The following FAM228B variants were observed in gnomAD, a reference collection of about 807,000 sequenced individuals.
The protein encoded by FAM228B is protein FAM228B.
A neutral mutation model predicts 42.6 loss-of-function variants in FAM228B; 38 were observed. That is an observed-to-expected ratio of 0.89 (90% confidence interval 0.69 to 1.17). FAM228B has a LOEUF of 1.17. Ranked by LOEUF, FAM228B falls within the 50% of genes most tolerant of loss-of-function variation. The probability of loss-of-function intolerance (pLI) is 0.00; values close to 1 mark genes in which losing one functional copy is unlikely to be tolerated. For missense variants in FAM228B, 344 were observed against 367.3 expected (o/e 0.94, Z 0.52); for synonymous variants, 109 against 122.3 (o/e 0.89, Z 0.72).
chr2:24,109,171 C>CAAA (rs70944716), intron 3 of FAM228B, among the ~76,000 whole-genome samples: 3 of 96,042 alleles, frequency 3.1e-5, no homozygotes, highest in Admixed American at 1.2e-4. Flanking sequence ...AGAGTAATGG[C>CAAA]AAAAAAAAAA....
chr2:24,161,981 C>G (rs890943460), intron 8 of FAM228B, among the ~76,000 whole-genome samples: 1 of 151,634 alleles, frequency 6.6e-6, no homozygotes, highest in African/African-American at 2.4e-5. Context: ...CAACTATAAT[C>G]CCAGCTATCT....
rs1407077931 is a variant in FAM228B at position 24,097,452 on chromosome 2, A to C, written c.-121+2223A>C. On this transcript the variant is annotated intron_variant, in intron 3 of 10. Transcript: ENST00000613899. ...AAGATATACCAAGCAAATGGAAAGC[A>C]AAAAAAAAAAAAAAAAAAAGCAGGG... The C allele has an allele frequency of 1.9e-4, 8 of 43,090 alleles. No individual in the cohort carries two copies. The East Asian group carries it at 2.2e-3, about 12-fold the overall frequency. 2.7% of individuals were successfully genotyped at this position (43,090 alleles called of 1,614,324 possible).
upstream of FAM228B, chr2:24,122,481 C>G (rs1237516152): frequency 3.1e-6 from 5 of 1,614,194 alleles, 1 homozygote; most frequent in South Asian, 5.5e-5. Context: ...GCTGCACTGT[C>G]CACATGCTTG....
chr2:24,156,493 G>C (rs1558393865), intron 7 of FAM228B, among the ~76,000 whole-genome samples: 1 of 152,094 alleles, frequency 6.6e-6, no homozygotes, highest in Non-Finnish European at 1.5e-5. Flanking sequence ...AATCAGCCAG[G>C]CATGGTGGCA....
chr2:24,138,100 G>A lies in FAM228B; in HGVS notation c.360G>A (p.Lys120=). The A allele has an allele frequency of 6.6e-7, 1 of 1,517,674 alleles. No individual in the cohort carries two copies. Among genetic ancestry groups the A allele is most frequent in the Non-Finnish European group, 8.8e-7 (1 of 1,136,606 alleles). 94.0% of individuals were successfully genotyped at this position (1,517,674 alleles called of 1,614,324 possible). ...GCTTTTTAAAACATGTAAATAAAAA[G>A]GTACTAAGAGATCATTTGATGCTTT... is the stretch of plus-strand genomic sequence containing the variant. ...LDGFLKHVNK[K]GNAFIEHYDP... The change falls in exon 4 of 11, where the codon AAG becomes AAA. Residue 120 remains lysine, a splice_region_variant and synonymous_variant. Transcript: ENST00000615575.
chr2:24,163,875 TGGA>T (rs1001606494), intron 8 of FAM228B, among the ~76,000 whole-genome samples: 12 of 151,980 alleles, frequency 7.9e-5, no homozygotes, highest in African/African-American at 2.9e-4. Flanking sequence ...GCAGCAGGGG[TGGA>T]GAAGGCATAT....
intron 5 of FAM228B, among the ~76,000 whole-genome samples, chr2:24,145,781 C>T (rs571455759): frequency 1.1e-4 from 17 of 151,072 alleles, no homozygotes; most frequent in Admixed American, 7.9e-4. Flanking sequence ...CTCCACCTCC[C>T]GGGTTCATGG....
At chr2:24,121,974 T>C (rs1176761918), upstream of FAM228B, among the ~76,000 whole-genome samples, 1 of 152,194 alleles carries the variant, frequency 6.6e-6, no homozygotes, top group Non-Finnish European at 1.5e-5. Flanking sequence ...ATATCAACAG[T>C]AAAAAGACTA....
chr2:24,116,646 G>A (rs1665927706), intron 3 of FAM228B, among the ~76,000 whole-genome samples: 1 of 152,134 alleles, frequency 6.6e-6, no homozygotes, highest in Non-Finnish European at 1.5e-5. Context: ...CTTGAAGTCA[G>A]GAGTTCGAGA....
intron 8 of FAM228B, among the ~76,000 whole-genome samples, chr2:24,162,315 G>T (rs1191252774): frequency 6.6e-6 from 1 of 152,208 alleles, no homozygotes; most frequent in Non-Finnish European, 1.5e-5. Context: ...GAAAGATGTT[G>T]TTGTAAACAG....
Position 24,077,581 on chromosome 2 carries a change from A to G in FAM228B, c.-290+612A>G. ...GTCCTGTCCTGCCCCATCCTCCTTC[A>G]CTGGGGCAGTTCCAGGACGATCTTG... is the stretch of plus-strand genomic sequence containing the variant. On this transcript the variant is annotated intron_variant, in intron 1 of 10. Transcript: ENST00000613899. This position sits in a 1 kb window ranked among gnomAD's most constrained non-coding sequence, Gnocchi z 5.5. The G allele has an allele frequency of 6.2e-7, 1 of 1,613,038 alleles. No homozygotes were observed.
chr2:24,155,529 ATATTTTTTTTTTTT>A (rs1180946790), intron 7 of FAM228B, among the ~76,000 whole-genome samples: 23 of 12,660 alleles, frequency 1.8e-3, no homozygotes, highest in African/African-American at 4.7e-3. Context: ...ATATATATAT[ATATTTTTTTTTTTT>A]TTTTTTTTTT....
In FAM228B at chr2:24,165,382, G is replaced by A. The variant is rs137916874; in HGVS notation, c.932+1047G>A. On this transcript the variant is annotated intron_variant, in intron 9 of 10. Transcript: ENST00000615575. ...GACAATGCCTTTTCAGGTCCTCTCTGTGCAGATGTGATCATCCCTCCAACT... is the reference window on the plus strand; with the variant it reads ...GACAATGCCTTTTCAGGTCCTCTCTATGCAGATGTGATCATCCCTCCAACT... 6.9e-4 allele frequency: 327 copies of A among 471,138 alleles called. 3 individuals carry two copies. Among genetic ancestry groups the A allele is most frequent in the African/African-American group, 6.0e-3 (300 of 50,170 alleles). The allele number at this position is 471,138 out of a possible 1,614,324, so 29.2% of individuals were successfully genotyped here. A position where few individuals can be genotyped will look rare whatever the true frequency, so the allele number is the denominator to read the frequency against.
intron 5 of FAM228B, among the ~76,000 whole-genome samples, chr2:24,140,198 A>G (rs562058610): frequency 1.5e-4 from 23 of 152,146 alleles, no homozygotes; most frequent in Non-Finnish European, 2.5e-4. Flanking sequence ...GTTTTTTCAG[A>G]GGGAGTCTCA....
In FAM228B at chr2:24,106,769, G is replaced by A. The variant is rs111736695; in HGVS notation, c.-121+11540G>A. On this transcript the variant is annotated intron_variant, in intron 3 of 10. Transcript: ENST00000613899. ...TTCCACCAGATCTGCCTTATGAGCA[G>A]TCCTGAGAGGAGTAGCAAATATGGA... is the stretch of plus-strand genomic sequence containing the variant. Among the ~76,000 whole-genome samples, 275 of 152,078 alleles carry A rather than the reference G, an allele frequency of 1.8e-3. 1 individual carries two copies. Among genetic ancestry groups the A allele is most frequent in the African/African-American group, 6.4e-3 (264 of 41,472 alleles).
intron 7 of FAM228B, among the ~76,000 whole-genome samples, chr2:24,160,748 G>T (rs1300176824): frequency 6.6e-6 from 1 of 152,084 alleles, no homozygotes; most frequent in East Asian, 1.9e-4. Flanking sequence ...TCTACGCAGG[G>T]CCAATATCAC....
Position 24,124,360 on chromosome 2 carries a change from C to A in FAM228B, c.-2C>A, listed in dbSNP as rs1394965496. 5.2e-6 allele frequency: 8 copies of A among 1,537,878 alleles called. No homozygotes were observed. The highest frequency in any genetic ancestry group is 7.0e-6 in the Non-Finnish European group (8 of 1,141,286). Reference sequence around the variant, plus strand: ...CCAGGGGCATTGTTATTTGTGACCACAATGAAAAATGTAGACAGTGATGAT... The same window carrying A: ...CCAGGGGCATTGTTATTTGTGACCAAAATGAAAAATGTAGACAGTGATGAT... On this transcript the variant is annotated 5_prime_UTR_variant, in exon 2 of 11. Transcript: ENST00000615575.
chr2:24,166,054 A>AATATATATATATATATATATATATAT (rs1553334356), intron 9 of FAM228B: 9 of 81,042 alleles, frequency 1.1e-4, no homozygotes, highest in South Asian at 5.2e-4. Context: ...AAAAAAAAAA[A>AATATATATATATATATATATATATAT]ATATATATAT....
intron 3 of FAM228B, among the ~76,000 whole-genome samples, chr2:24,115,814 A>G (rs1382713506): frequency 6.6e-6 from 1 of 151,850 alleles, no homozygotes; most frequent in Admixed American, 6.6e-5. Flanking sequence ...AGTAGGGGAT[A>G]TAGGCACACA....
Sources: gnomAD v4.1 joint callset for allele counts (sites outside exome capture counted in the v4.1 genomes callset) on GRCh38, gnomAD v4.1.1 for gene constraint, Gnocchi (gnomAD v3.1) non-coding constraint, MANE v1.5 for transcripts, NCBI Gene and HGNC (gene_info 2026-07-23, HGNC 2026-07-21) for gene names.